APLF: variants seen among roughly 807,000 people sequenced by gnomAD.
APLF encodes the protein aprataxin and PNK-like factor.
In APLF, 61 loss-of-function variants were observed where a neutral mutation model predicts 55.6. The ratio of observed to expected loss-of-function variants is 1.10; its 90% confidence interval spans 0.89 to 1.36. APLF has a LOEUF of 1.36. APLF is among the 40% of genes most tolerant of loss of function. The pLI is 0.00. For synonymous variants in APLF, 207 were observed against 214.8 expected (o/e 0.96, Z 0.32); for missense variants, 611 against 602.5 (o/e 1.01, Z -0.15).
intron 8 of APLF, among the ~76,000 whole-genome samples, chr2:68,551,594 C>A (rs1330812118): frequency 1.4e-4 from 18 of 131,396 alleles, no homozygotes; most frequent in Admixed American, 7.3e-4. Context: ...TTATTTAATT[C>A]TTCTTCTTCT....
intron 5 of APLF, among the ~76,000 whole-genome samples, chr2:68,525,825 C>G (rs997992671): frequency 7.3e-6 from 1 of 136,674 alleles, no homozygotes; most frequent in African/African-American, 2.9e-5. Context: ...TCTCGGCTCA[C>G]TGCAACCTCC....
At chr2:68,476,620 G>A (rs566719925) in intron 1 of APLF, among the ~76,000 whole-genome samples, 6 of 151,826 alleles carry the variant, frequency 4.0e-5, no homozygotes, top group Non-Finnish European at 8.8e-5. Context: ...TGTGTACATA[G>A]GTATATATAT....
chr2:68,537,118 T>C (rs1465269819), intron 6 of APLF, among the ~76,000 whole-genome samples: 3 of 149,590 alleles, frequency 2.0e-5, no homozygotes, highest in East Asian at 2.0e-4. Context: ...TGAGCAGATA[T>C]CGTGCCACCA....
chr2:68,518,869 T>C (rs1488011625), intron 5 of APLF, among the ~76,000 whole-genome samples: 3 of 117,530 alleles, frequency 2.6e-5, no homozygotes, highest in South Asian at 2.4e-4. Context: ...ATGTCATTAA[T>C]ATGTAATAAA....
intron 5 of APLF, among the ~76,000 whole-genome samples, chr2:68,519,692 A>G (rs1669836207): frequency 2.7e-5 from 4 of 150,370 alleles, no homozygotes; most frequent in Admixed American, 6.7e-5. Flanking sequence ...ATATATATAT[A>G]TTAGTTTCTT....
At chr2:68,510,727 G>A (rs1677023373) in intron 3 of APLF, among the ~76,000 whole-genome samples, 1 of 151,784 alleles carries the variant, frequency 6.6e-6, no homozygotes, top group Non-Finnish European at 1.5e-5. Flanking sequence ...GTACATAGAT[G>A]TTCACAGCAG....
intron 8 of APLF, among the ~76,000 whole-genome samples, chr2:68,547,310 T>C (rs1217362386): frequency 6.6e-6 from 1 of 151,832 alleles, no homozygotes; most frequent in Non-Finnish European, 1.5e-5. Flanking sequence ...ATACCAGTTT[T>C]CCTCAAATGG....
chr2:68,510,527 A>G (rs957002918), intron 3 of APLF, among the ~76,000 whole-genome samples: 3 of 151,822 alleles, frequency 2.0e-5, no homozygotes, highest in Non-Finnish European at 2.9e-5. Context: ...TATAATAACA[A>G]GTGTTGGTGA....
At chr2:68,487,744 AATG>A (rs1028340118) in intron 1 of APLF, among the ~76,000 whole-genome samples, 104 of 152,142 alleles carry the variant, frequency 6.8e-4, no homozygotes, top group African/African-American at 2.4e-3. Flanking sequence ...AAAATGTTTT[AATG>A]ATAATTTATT....
At chr2:68,492,217 G>T (rs923417885) in intron 2 of APLF, among the ~76,000 whole-genome samples, 2 of 152,068 alleles carry the variant, frequency 1.3e-5, no homozygotes, top group Non-Finnish European at 2.9e-5. Flanking sequence ...GGTGGCTCAC[G>T]TCTGTAATCC....
chr2:68,534,372 A>G (rs906070490), intron 6 of APLF, among the ~76,000 whole-genome samples: 1 of 152,210 alleles, frequency 6.6e-6, no homozygotes, highest in Non-Finnish European at 1.5e-5. Context: ...TTGAGACAGG[A>G]CTTTTAAGGT....
At chr2:68,502,681 T>C (rs746900272) in intron 2 of APLF, 50 bp from the exon 3 acceptor site, 2 of 1,090,018 alleles carry the variant, frequency 1.8e-6, no homozygotes, top group South Asian at 3.2e-5. Context: ...ACAACATTAT[T>C]GTATTATATT....
intron 2 of APLF, among the ~76,000 whole-genome samples, chr2:68,500,889 C>T (rs1676699887): frequency 6.6e-6 from 1 of 152,208 alleles, no homozygotes; most frequent in Non-Finnish European, 1.5e-5. Flanking sequence ...AAAGCTCAAC[C>T]TGCCAAGAGC....
At position 68,545,185 on chromosome 2, in the gene APLF, A is replaced by G; in HGVS notation, c.1161-2A>G. ...CTGACAGTATATTTGTCGCCCTCCT[A>G]GGAAGAATCCTGTTCATTTTCAACA... is the stretch of plus-strand genomic sequence containing the variant. On this transcript the variant is annotated splice_acceptor_variant, in intron 7 of 9. Transcript: ENST00000303795. LOFTEE classifies it high-confidence loss of function. 2 of 1,612,388 alleles carry G rather than the reference A, an allele frequency of 1.2e-6. No homozygotes were observed. Among genetic ancestry groups the G allele is most frequent in the Non-Finnish European group, 1.7e-6 (2 of 1,179,230 alleles).
chr2:68,482,094 C>A (rs931737142), intron 1 of APLF, among the ~76,000 whole-genome samples: 1 of 140,432 alleles, frequency 7.1e-6, no homozygotes, highest in Admixed American at 7.1e-5. Flanking sequence ...TTATAAATTT[C>A]TTTTTTTTTT....
chr2:68,502,709 A>G, intron 2 of APLF, 22 bp from the exon 3 acceptor site: 2 of 1,320,446 alleles, frequency 1.5e-6, no homozygotes, highest in Non-Finnish European at 2.0e-6. Flanking sequence ...AAATTTAATT[A>G]TATTCTTTTT....
At position 68,579,939 on chromosome 2, in the gene APLF, G is replaced by A. The variant is rs772852006; in HGVS notation, c.*1917G>A. The A allele has an allele frequency of 3.7e-5, 28 of 752,156 alleles. No individual in the cohort carries two copies. Among genetic ancestry groups the A allele is most frequent in the Admixed American group, 3.1e-4 (5 of 15,920 alleles). 46.6% of individuals were successfully genotyped at this position (752,156 alleles called of 1,614,324 possible). A position where few individuals can be genotyped will look rare whatever the true frequency, so the allele number is the denominator to read the frequency against. On this transcript the variant is annotated 3_prime_UTR_variant, in exon 10 of 10. Coordinates refer to ENST00000303795, the MANE Select transcript of APLF (RefSeq NM_173545.3). Reference sequence around the variant, plus strand: ...TTTCAAAGGGTAGATTTCATTGCACGTGAACTATATATTTCAATAAATCTG... The same window carrying A: ...TTTCAAAGGGTAGATTTCATTGCACATGAACTATATATTTCAATAAATCTG...
intron 2 of APLF, among the ~76,000 whole-genome samples, chr2:68,492,249 T>C (rs10179919): frequency 0.24 from 35,696 of 151,274 alleles, 6,764 homozygotes; most frequent in African/African-American, 0.53. Flanking sequence ...GAGGCCGGGG[T>C]GGGTGGATCA....
At chr2:68,508,080 A>T (rs1676926763) in intron 3 of APLF, among the ~76,000 whole-genome samples, 1 of 151,782 alleles carries the variant, frequency 6.6e-6, no homozygotes, top group Admixed American at 6.6e-5. Flanking sequence ...AGCATATTTT[A>T]TATTAAAGAT....
Sources: gnomAD v4.1 joint callset for allele counts (sites outside exome capture counted in the v4.1 genomes callset) on GRCh38, gnomAD v4.1.1 for gene constraint, MANE v1.5 for transcripts, NCBI Gene and HGNC (gene_info 2026-07-23, HGNC 2026-07-21) for gene names.